Variants in CERT1 observed in about 807,000 individuals in gnomAD.
CERT1 encodes ceramide transfer protein.
CERT1 carries 31 observed loss-of-function variants against 87.9 expected under a neutral mutation model. The observed-to-expected ratio is 0.35, with a 90% CI of 0.27 to 0.48. The LOEUF is 0.48. Among genes scored for constraint, CERT1 ranks in the 20% least tolerant of loss-of-function variants. CERT1 has a pLI of 0.99. For missense variants in CERT1, 487 were observed against 758.0 expected (o/e 0.64, Z 4.20); for synonymous variants, 289 against 250.9 (o/e 1.15, Z -1.44).
chr5:75,439,609 A>T (rs765371873), intron 3 of CERT1, among the ~76,000 whole-genome samples: 1 of 152,072 alleles, frequency 6.6e-6, no homozygotes, highest in Non-Finnish European at 1.5e-5. Context: ...ATGTTAACAT[A>T]AGCACAATAA....
intron 8 of CERT1, chr5:75,410,703 TAAA>T (rs57976408): frequency 2.3e-4 from 35 of 149,606 alleles, no homozygotes; most frequent in East Asian, 3.5e-4. Flanking sequence ...GCTTTTATGT[TAAA>T]AAAAAAAAAA....
intron 2 of CERT1, among the ~76,000 whole-genome samples, chr5:75,477,647 T>TAAAAAAAAAAAA (rs540588442): frequency 5.6e-5 from 5 of 89,490 alleles, no homozygotes; most frequent in East Asian, 3.5e-4. Context: ...TAATAAGTTG[T>TAAAAAAAAAAAA]AAAAAAAAAA....
chr5:75,486,993 A>C (rs1766554396), intron 2 of CERT1, among the ~76,000 whole-genome samples: 1 of 152,156 alleles, frequency 6.6e-6, no homozygotes, highest in Non-Finnish European at 1.5e-5. Flanking sequence ...CCTAAAATGT[A>C]TACAGAACCA....
chr5:75,475,313 T>C (rs1239294880), intron 2 of CERT1, among the ~76,000 whole-genome samples: 1 of 152,202 alleles, frequency 6.6e-6, no homozygotes, highest in African/African-American at 2.4e-5. Context: ...AGTTTCAGCA[T>C]GGGATCAAAA....
At chr5:75,429,861 A>C (rs1180396469) in intron 3 of CERT1, among the ~76,000 whole-genome samples, 1 of 151,176 alleles carries the variant, frequency 6.6e-6, no homozygotes, top group Non-Finnish European at 1.5e-5. Flanking sequence ...AAAAAAAAGC[A>C]AGGGTAAAAA....
chr5:75,441,429 T>C (rs113543180), intron 3 of CERT1, among the ~76,000 whole-genome samples: 57 of 152,358 alleles, frequency 3.7e-4, no homozygotes, highest in African/African-American at 8.9e-4. Flanking sequence ...AAGGATACAC[T>C]ACATGTTTTG....
At chr5:75,460,988 A>G (rs1482858097) in intron 2 of CERT1, among the ~76,000 whole-genome samples, 1 of 152,250 alleles carries the variant, frequency 6.6e-6, no homozygotes, top group East Asian at 1.9e-4. Flanking sequence ...AATTATAAAT[A>G]CAGAAAGACA....
At chr5:75,391,985 T>C (rs993179134) in intron 11 of CERT1, among the ~76,000 whole-genome samples, 1 of 152,200 alleles carries the variant, frequency 6.6e-6, no homozygotes, top group South Asian at 2.1e-4. Context: ...TTTAAAATAA[T>C]TTTCTAATGC....
chr5:75,447,301 T>TGAAG (rs1293981383), intron 3 of CERT1, among the ~76,000 whole-genome samples: 3 of 152,090 alleles, frequency 2.0e-5, no homozygotes, highest in Non-Finnish European at 2.9e-5. Context: ...AGATTCTGGG[T>TGAAG]GCTTCCTGCT....
chr5:75,433,732 G>T (rs1212356618), intron 3 of CERT1, among the ~76,000 whole-genome samples: 2 of 152,072 alleles, frequency 1.3e-5, no homozygotes, highest in Admixed American at 6.6e-5. Context: ...TTTTTGCCCA[G>T]TCTAGTCTCC....
At chr5:75,410,384 C>A (rs567270590) in intron 8 of CERT1, among the ~76,000 whole-genome samples, 1 of 151,808 alleles carries the variant, frequency 6.6e-6, no homozygotes, top group Non-Finnish European at 1.5e-5. Flanking sequence ...CTGAGGCGGG[C>A]GGATCACGAG....
At chr5:75,397,803 G>C (rs191137789) in intron 11 of CERT1, among the ~76,000 whole-genome samples, 200 of 152,206 alleles carry the variant, frequency 1.3e-3, no homozygotes, top group Non-Finnish European at 1.2e-3. Context: ...GGCAGATCAC[G>C]AGGTCAGGAG....
intron 11 of CERT1, 67 bp from the exon 12 acceptor site, chr5:75,389,754 C>T: frequency 1.8e-6 from 2 of 1,121,464 alleles, no homozygotes; most frequent in South Asian, 1.3e-5. Flanking sequence ...ACAGAATGGT[C>T]TTCAGTTAAC....
chr5:75,399,773 G>C (rs1762394280), intron 10 of CERT1, among the ~76,000 whole-genome samples: 1 of 152,066 alleles, frequency 6.6e-6, no homozygotes, highest in African/African-American at 2.4e-5. Flanking sequence ...GATGTATATG[G>C]AATACAATAT....
In CERT1 at chr5:75,404,994, T is replaced by C. The variant is rs144526109; in HGVS notation, c.931-1936A>G. Among the ~76,000 whole-genome samples, 316 of 152,000 alleles carry C rather than the reference T, an allele frequency of 2.1e-3. 1 individual carries two copies. The East Asian group carries it at 0.027, about 13-fold the overall frequency. On this transcript the variant is annotated intron_variant, in intron 8 of 16. Coordinates refer to ENST00000643780, the MANE Select transcript of CERT1 (RefSeq NM_001379029.1). Reference sequence around the variant, plus strand: ...TCGCACCACTGCACTCCAGCCTGGGTGGTAGAGCAAGACTCAGTCTCAAAC... The same window carrying C: ...TCGCACCACTGCACTCCAGCCTGGGCGGTAGAGCAAGACTCAGTCTCAAAC...
At chr5:75,419,761 G>T (rs947948694) in intron 5 of CERT1, among the ~76,000 whole-genome samples, 2 of 152,058 alleles carry the variant, frequency 1.3e-5, no homozygotes, top group Non-Finnish European at 2.9e-5. Flanking sequence ...ACCCAAATAT[G>T]TGGAATGTCT....
At chr5:75,374,431 G>C (rs544935560), downstream of CERT1, 954 of 587,008 alleles carry the variant, frequency 1.6e-3, 2 homozygotes, top group Admixed American at 2.9e-3. Context: ...AAAAAAACGG[G>C]AACAGTCCTC....
chr5:75,374,428 C>A, downstream of CERT1: 7 of 552,628 alleles, frequency 1.3e-5, no homozygotes, highest in South Asian at 4.8e-5. Flanking sequence ...GAAAAAAAAA[C>A]GGGAACAGTC....
intron 2 of CERT1, among the ~76,000 whole-genome samples, chr5:75,495,024 C>T (rs968706719): frequency 1.3e-5 from 2 of 152,126 alleles, no homozygotes; most frequent in South Asian, 2.1e-4. Flanking sequence ...TATCTCCCAC[C>T]CTTGAGACAT....
Sources: gnomAD v4.1 joint callset for allele counts (sites outside exome capture counted in the v4.1 genomes callset) on GRCh38, gnomAD v4.1.1 for gene constraint, MANE v1.5 for transcripts, NCBI Gene and HGNC (gene_info 2026-07-23, HGNC 2026-07-21) for gene names.